RBCK1: variants seen among roughly 807,000 people sequenced by gnomAD.
RBCK1 encodes the protein RANBP2-type and C3HC4-type zinc finger containing 1.
In RBCK1, 44 loss-of-function variants were observed where a neutral mutation model predicts 71.1. The ratio of observed to expected loss-of-function variants is 0.62; its 90% CI spans 0.49 to 0.80. The LOEUF is 0.80. Among genes scored for constraint, RBCK1 ranks in the 30% least tolerant of loss-of-function variants. RBCK1 has a pLI of 0.00. For missense variants in RBCK1, 569 were observed against 685.0 expected (o/e 0.83, Z 1.89); for synonymous variants, 306 against 279.7 (o/e 1.09, Z -0.94).
intron 1 of RBCK1, 67 bp downstream of exon 1, chr20:408,846 G>C (rs1224682841): frequency 1.3e-6 from 2 of 1,567,370 alleles, no homozygotes; most frequent in African/African-American, 2.7e-5. Context: ...ACCTGGCCTT[G>C]CCCCTGGCCA....
In RBCK1 at chr20:428,684, C is replaced by T. The variant is rs1265849547; in HGVS notation, c.1308+95C>T. On this transcript the variant is annotated intron_variant, in intron 10 of 11. Transcript: ENST00000356286. The surrounding 1 kb of genome is among the most constrained non-coding windows in gnomAD (Gnocchi z 5.7). Reference sequence around the variant, plus strand: ...CCAGTAAGGGCTGTGCTCACACATCCCTGGAGGCTCTGACCTCCCTTCTGG... The same window carrying T: ...CCAGTAAGGGCTGTGCTCACACATCTCTGGAGGCTCTGACCTCCCTTCTGG... 4 of 1,385,852 alleles carry T rather than the reference C, an allele frequency of 2.9e-6. No individual in the cohort carries two copies. The highest frequency in any genetic ancestry group is 3.9e-6 in the Non-Finnish European group (4 of 1,036,440). The allele number at this position is 1,385,852 out of a possible 1,614,324, so 85.8% of individuals were successfully genotyped here.
rs2015493109 is a variant in RBCK1 at position 408,386 on chromosome 20, G to A, written c.-372G>A. The A allele has an allele frequency of 7.8e-6, 3 of 382,860 alleles. No individual in the cohort carries two copies. Among genetic ancestry groups the A allele is most frequent in the Non-Finnish European group, 4.7e-6 (1 of 210,712 alleles). The allele number at this position is 382,860 out of a possible 1,614,324, so 23.7% of individuals were successfully genotyped here. ...AGAGAGGGCTTTGCCTTGAAACCCGGGACGCCAGGGGCGCTCCCGCAAGTG... is the reference window on the plus strand; with the variant it reads ...AGAGAGGGCTTTGCCTTGAAACCCGAGACGCCAGGGGCGCTCCCGCAAGTG... On this transcript the variant is annotated 5_prime_UTR_variant, in exon 1 of 12. Transcript: ENST00000356286.
At chr20:409,118 G>A (rs138309125) in intron 1 of RBCK1, among the ~76,000 whole-genome samples, 9 of 152,198 alleles carry the variant, frequency 5.9e-5, no homozygotes, top group African/African-American at 2.2e-4. Context: ...CCTGCACCTA[G>A]GGTTGTAGAA....
At position 430,247 on chromosome 20, in the gene RBCK1, A is replaced by T. The variant is rs1186879797; in HGVS notation, c.1453-103A>T. 1 of 1,011,174 alleles carries T rather than the reference A, an allele frequency of 9.9e-7. No individual in the cohort carries two copies. The highest frequency in any genetic ancestry group is 1.9e-5 in the Admixed American group (1 of 51,570). The allele number at this position is 1,011,174 out of a possible 1,614,324, so 62.6% of individuals were successfully genotyped here. Reference sequence around the variant, plus strand: ...CTGAGGCTGACCAGGCCATTCTTGCAGGAGGACCTGCAGAGGCAAAGGCCC... The same window carrying T: ...CTGAGGCTGACCAGGCCATTCTTGCTGGAGGACCTGCAGAGGCAAAGGCCC... On this transcript the variant is annotated intron_variant, in intron 11 of 11. Transcript: ENST00000356286. This position sits in a 1 kb window ranked among gnomAD's most constrained non-coding sequence, Gnocchi z 5.6.
chr20:421,294 T>C lies in RBCK1; in HGVS notation c.917+263T>C, dbSNP rs7354339. On this transcript the variant is annotated intron_variant, in intron 7 of 11. Transcript: ENST00000356286. ...GGGGGAGACTCCCTTCCCCTCTACC[T>C]TTCGCCGCCCGGGCTCCTGCAGCCA... Among the ~76,000 whole-genome samples the C allele has an allele frequency of 3.2e-3, 491 of 152,266 alleles. 5 individuals carry two copies. The highest frequency in any genetic ancestry group is 3.7e-3 in the Non-Finnish European group (250 of 68,016).
chr20:412,129 C>T (rs1319558460), intron 2 of RBCK1, among the ~76,000 whole-genome samples: 1 of 152,174 alleles, frequency 6.6e-6, no homozygotes, highest in Non-Finnish European at 1.5e-5. Context: ...TTCTCCACAT[C>T]ATCTCTAATA....
chr20:427,493 G>T lies in RBCK1; in HGVS notation c.1209+1G>T. Reference sequence around the variant, plus strand: ...CCACGTCAACTGCCTGCTCTGCAAGGTGGGGCCTGCAGGGACTCCCCCCAC... The same window carrying T: ...CCACGTCAACTGCCTGCTCTGCAAGTTGGGGCCTGCAGGGACTCCCCCCAC... On this transcript the variant is annotated splice_donor_variant, in intron 9 of 11. Coordinates refer to ENST00000356286, the MANE Select transcript of RBCK1 (RefSeq NM_031229.4). LOFTEE classifies it high-confidence loss of function. The T allele has an allele frequency of 6.2e-7, 1 of 1,612,814 alleles. No homozygotes were observed. Among genetic ancestry groups the T allele is most frequent in the Non-Finnish European group, 8.5e-7 (1 of 1,179,906 alleles).
At chr20:414,312 T>G (rs2015874648) in intron 2 of RBCK1, among the ~76,000 whole-genome samples, 1 of 152,082 alleles carries the variant, frequency 6.6e-6, no homozygotes. Flanking sequence ...TTTGAGAGGC[T>G]GAGATGAGAG....
At chr20:415,878 G>C (rs898604086) in intron 2 of RBCK1, among the ~76,000 whole-genome samples, 1 of 152,208 alleles carries the variant, frequency 6.6e-6, no homozygotes, top group African/African-American at 2.4e-5. Context: ...GCAAGAGAGA[G>C]AGTTGGTGGG....
At chr20:425,111 C>T (rs566081614) in intron 8 of RBCK1, among the ~76,000 whole-genome samples, 1 of 151,948 alleles carries the variant, frequency 6.6e-6, no homozygotes, top group African/African-American at 2.4e-5. Context: ...CCCGGGTTCA[C>T]GCCATTCTCC....
intron 8 of RBCK1, among the ~76,000 whole-genome samples, chr20:423,070 C>T (rs6107299): frequency 0.021 from 3,269 of 152,240 alleles, 114 homozygotes; most frequent in African/African-American, 0.074. Context: ...GAGGCCAAGG[C>T]GGGTGGATCA....
intron 11 of RBCK1, 40 bp downstream of exon 11, chr20:429,134 G>GTGGC: frequency 6.3e-7 from 1 of 1,581,702 alleles, no homozygotes; most frequent in South Asian, 1.2e-5. Flanking sequence ...GGGTGCCCTT[G>GTGGC]TGGGCTTTGC....
rs1261026191 is a variant in RBCK1, at chr20:417,652, G to A, written c.261+33G>A. On this transcript the variant is annotated intron_variant, in intron 3 of 11. Transcript: ENST00000356286. This position sits in a 1 kb window ranked among gnomAD's most constrained non-coding sequence, Gnocchi z 4.7. ...AGGAGGCGGAGGGCGACACTGGGGT[G>A]AAGGCTCTCCCTTTCACTCCTGCTT... 6.2e-7 allele frequency: 1 copy of A among 1,607,672 alleles called. No individual in the cohort carries two copies. The highest frequency in any genetic ancestry group is 1.1e-5 in the South Asian group (1 of 90,948).
rs1391498500 is a variant in RBCK1 at position 420,865 on chromosome 20, G to T, written c.757-6G>T. The T allele has an allele frequency of 6.5e-7, 1 of 1,548,022 alleles. No homozygotes were observed. The highest frequency in any genetic ancestry group is 1.2e-5 in the South Asian group (1 of 84,024). On this transcript the variant is annotated splice_region_variant and splice_polypyrimidine_tract_variant and intron_variant, in intron 6 of 11. Transcript: ENST00000356286. ...CCCGCCCCGTGGCCCCGCCCCGTGT[G>T]CCCAGCGGAAGCAGCAGCAGCAGGA...
In RBCK1 at chr20:422,290, G is replaced by A; in HGVS notation, c.1029+52G>A. On this transcript the variant is annotated intron_variant, in intron 8 of 11. Transcript: ENST00000356286. The surrounding 1 kb of genome is among the most constrained non-coding windows in gnomAD (Gnocchi z 5.0). The stretch of plus-strand genomic sequence containing the variant: ...CCCAAGTCCCAACTCCTAAGGAACT[G>A]GGCCCTGAGCAGGCAGCAGACATCT... The A allele has an allele frequency of 6.8e-7, 1 of 1,468,320 alleles. No homozygotes were observed. Among genetic ancestry groups the A allele is most frequent in the Non-Finnish European group, 9.5e-7 (1 of 1,051,878 alleles). 91.0% of individuals were successfully genotyped at this position (1,468,320 alleles called of 1,614,324 possible).
chr20:413,657 G>A (rs960064086), intron 2 of RBCK1, among the ~76,000 whole-genome samples: 1 of 152,128 alleles, frequency 6.6e-6, no homozygotes, highest in Admixed American at 6.6e-5. Context: ...ACAACATGGG[G>A]GGAATCTCAG....
intron 6 of RBCK1, chr20:420,009 C>T: frequency 1.0e-6 from 1 of 985,056 alleles, no homozygotes; most frequent in East Asian, 1.1e-4. Context: ...CCATCCCCAG[C>T]TTTGACACAC....
intron 8 of RBCK1, among the ~76,000 whole-genome samples, chr20:427,028 T>G (rs2016763352): frequency 6.6e-6 from 1 of 151,722 alleles, no homozygotes; most frequent in Non-Finnish European, 1.5e-5. Flanking sequence ...AGAGATGAGG[T>G]CTCACTGTAT....
Position 428,974 on chromosome 20 carries a change from C to G in RBCK1, c.1332C>G (p.Ala444=), listed in dbSNP as rs976233267. 3.1e-6 allele frequency: 5 copies of G among 1,610,556 alleles called. No homozygotes were observed. In the African/African-American group the frequency reaches 6.7e-5, roughly 22 times the overall value. ...MLKVMLQQGE[A]MRCPQCQIVV... is the part of the protein sequence containing the mutation. ...AGGTGATGCTGCAGCAGGGCGAGGC[C>G]ATGCGCTGCCCCCAGTGCCAGATCG... The change falls in exon 11 of 12, where the codon GCC becomes GCG. Residue 444 remains alanine, a synonymous_variant. Coordinates refer to ENST00000356286, the MANE Select transcript of RBCK1 (RefSeq NM_031229.4). The surrounding 1 kb of genome is among the most constrained non-coding windows in gnomAD (Gnocchi z 5.7).
Sources: gnomAD v4.1 joint callset for allele counts (sites outside exome capture counted in the v4.1 genomes callset) on GRCh38, gnomAD v4.1.1 for gene constraint, Gnocchi (gnomAD v3.1) non-coding constraint, MANE v1.5 for transcripts, NCBI Gene and HGNC (gene_info 2026-07-23, HGNC 2026-07-21) for gene names.